Variants in TMEM74 observed in about 807,000 individuals in gnomAD.
The protein encoded by TMEM74 is transmembrane protein 74.
In TMEM74, 13 loss-of-function variants were observed where a neutral mutation model predicts 18.1. That is an observed-to-expected ratio of 0.72 (90% CI 0.47 to 1.14). TMEM74 has a LOEUF of 1.14. TMEM74 is among the 50% of genes most tolerant of loss of function. TMEM74 has a pLI of 0.00. For missense variants in TMEM74, 372 were observed against 375.9 expected, an observed-to-expected ratio of 0.99 and a Z score of 0.09; for synonymous variants, 159 against 146.6, an observed-to-expected ratio of 1.08 and a Z score of -0.61.
chr8:108,667,799 C>T (rs1812963762), intron 1 of TMEM74, among the ~76,000 whole-genome samples: 1 of 152,014 alleles, frequency 6.6e-6, no homozygotes, highest in South Asian at 2.1e-4. Flanking sequence ...CTACCTACAC[C>T]CTCCCAGCCC....
At chr8:108,667,629 G>C (rs1186218359) in intron 1 of TMEM74, among the ~76,000 whole-genome samples, 1 of 152,070 alleles carries the variant, frequency 6.6e-6, no homozygotes, top group Non-Finnish European at 1.5e-5. Context: ...GGAATTTCAA[G>C]GTTTTGCAAA....
At chr8:108,730,735 C>T (rs1228332754) in intron 1 of TMEM74, among the ~76,000 whole-genome samples, 3 of 150,902 alleles carry the variant, frequency 2.0e-5, no homozygotes, top group Non-Finnish European at 2.9e-5. Flanking sequence ...CAGGTTCAAG[C>T]AATTCTTCTT....
At position 108,694,875 on chromosome 8, in the gene TMEM74, G is replaced by A. The variant is rs746550571; in HGVS notation, n.120-39438C>T. On this transcript the variant is annotated intron_variant and non_coding_transcript_variant, in intron 1 of 3. Coordinates refer to the TMEM74 transcript ENST00000518838. ...AAGAGAACATAGTTGTGGAGTGGGC[G>A]AAGCAAAGACAAACTGGAAGCTGAA... 3.9e-5 allele frequency among the ~76,000 whole-genome samples: 6 copies of A among 152,186 alleles called. 1 individual carries two copies. The highest frequency in any genetic ancestry group is 7.2e-5 in the African/African-American group (3 of 41,438).
intron 1 of TMEM74, among the ~76,000 whole-genome samples, chr8:108,703,588 TA>T (rs1813359730): frequency 6.6e-6 from 1 of 152,136 alleles, no homozygotes; most frequent in African/African-American, 2.4e-5. Context: ...GGATGAACCC[TA>T]AAAAAAGAGA....
At chr8:108,693,933 C>T (rs1813254884) in intron 1 of TMEM74, among the ~76,000 whole-genome samples, 1 of 152,236 alleles carries the variant, frequency 6.6e-6, no homozygotes. Flanking sequence ...AGAGTCTCCT[C>T]AATTTCATTC....
chr8:108,740,093 G>A (rs1435657204), intron 1 of TMEM74, among the ~76,000 whole-genome samples: 1 of 152,110 alleles, frequency 6.6e-6, no homozygotes, highest in Non-Finnish European at 1.5e-5. Flanking sequence ...TGACATAATG[G>A]AACTACAATC....
chr8:108,736,938 G>A (rs1813755006), intron 1 of TMEM74, among the ~76,000 whole-genome samples: 1 of 152,086 alleles, frequency 6.6e-6, no homozygotes, highest in African/African-American at 2.4e-5. Flanking sequence ...TTCTATAAAT[G>A]TAATATTATG....
At chr8:108,709,326 C>A (rs1813451743) in intron 1 of TMEM74, among the ~76,000 whole-genome samples, 1 of 152,116 alleles carries the variant, frequency 6.6e-6, no homozygotes, top group African/African-American at 2.4e-5. Flanking sequence ...CATACACGTA[C>A]AATAAATATT....
At chr8:108,785,172 C>G in intron 1 of TMEM74, 35 bp from the exon 2 acceptor site, 1 of 1,475,652 alleles carries the variant, frequency 6.8e-7, no homozygotes, top group South Asian at 1.4e-5. Flanking sequence ...AAGAACCCAA[C>G]AGAAGCTAAG....
intron 2 of TMEM74, among the ~76,000 whole-genome samples, chr8:108,634,165 G>C (rs1398419737): frequency 1.3e-5 from 2 of 151,834 alleles, no homozygotes; most frequent in Non-Finnish European, 2.9e-5. Flanking sequence ...ATGGCCATAT[G>C]ACTTAACATT....
chr8:108,734,056 T>C (rs1379835713), intron 1 of TMEM74, among the ~76,000 whole-genome samples: 1 of 152,172 alleles, frequency 6.6e-6, no homozygotes, highest in African/African-American at 2.4e-5. Flanking sequence ...TGTCTGTGAG[T>C]GTGTTCCTGG....
chr8:108,750,913 C>T (rs980749003), intron 1 of TMEM74, among the ~76,000 whole-genome samples: 1 of 152,090 alleles, frequency 6.6e-6, no homozygotes, highest in Non-Finnish European at 1.5e-5. Flanking sequence ...CTTTCCTGTT[C>T]TAAAGCCTTT....
At chr8:108,785,443 C>A (rs1488507731) in intron 1 of TMEM74, among the ~76,000 whole-genome samples, 1 of 152,126 alleles carries the variant, frequency 6.6e-6, no homozygotes, top group African/African-American at 2.4e-5. Flanking sequence ...TTCAAGGACT[C>A]GCGCATTCCT....
chr8:108,671,108 T>C (rs1043464606), intron 1 of TMEM74, among the ~76,000 whole-genome samples: 1 of 152,134 alleles, frequency 6.6e-6, no homozygotes, highest in African/African-American at 2.4e-5. Context: ...ATACAAAACT[T>C]GGTTGAATGC....
intron 3 of TMEM74, chr8:108,607,879 T>C (rs948143143): frequency 2.0e-5 from 3 of 152,234 alleles, no homozygotes; most frequent in African/African-American, 7.2e-5. Context: ...TTTGGTTAAA[T>C]TGAATAAAAT....
At chr8:108,634,628 TTTCAGGGGACTC>T (rs1379012161) in intron 2 of TMEM74, among the ~76,000 whole-genome samples, 1 of 151,936 alleles carries the variant, frequency 6.6e-6, no homozygotes, top group African/African-American at 2.4e-5. Flanking sequence ...TGTGGCTGAT[TTTCAGGGGACTC>T]TTCACTCTAA....
Position 108,712,037 on chromosome 8 carries a change from C to T in TMEM74, n.120-56600G>A, listed in dbSNP as rs986506661. Reference sequence around the variant, plus strand: ...CTGGACCATCAGCATCACCTGGGAACTTTTTGGACATCAAAATTGCAAATT... The same window carrying T: ...CTGGACCATCAGCATCACCTGGGAATTTTTTGGACATCAAAATTGCAAATT... On this transcript the variant is annotated intron_variant and non_coding_transcript_variant, in intron 1 of 3. Coordinates refer to the TMEM74 transcript ENST00000518838. 2.0e-5 allele frequency among the ~76,000 whole-genome samples: 3 copies of T among 152,102 alleles called. No individual in the cohort carries two copies. In the East Asian group the frequency reaches 5.8e-4, roughly 29 times the overall value.
intron 1 of TMEM74, among the ~76,000 whole-genome samples, chr8:108,692,205 C>T (rs1586263035): frequency 6.6e-6 from 1 of 152,184 alleles, no homozygotes; most frequent in East Asian, 1.9e-4. Context: ...CTATCTGCTG[C>T]CCAGTCTGAC....
chr8:108,685,396 T>A (rs900781797), intron 1 of TMEM74, among the ~76,000 whole-genome samples: 12 of 152,288 alleles, frequency 7.9e-5, no homozygotes, highest in African/African-American at 2.9e-4. Flanking sequence ...AGGAATAATT[T>A]GACTTTCTCT....
Sources: gnomAD v4.1 joint callset for allele counts (sites outside exome capture counted in the v4.1 genomes callset) on GRCh38, gnomAD v4.1.1 for gene constraint, MANE v1.5 for transcripts, NCBI Gene and HGNC (gene_info 2026-07-23, HGNC 2026-07-21) for gene names.